The following FTO variants were observed in gnomAD, a reference collection of about 807,000 sequenced individuals.
FTO encodes the protein FTO alpha-ketoglutarate dependent dioxygenase.
Under a neutral mutation model 63.9 loss-of-function variants are expected in FTO, and 47 were observed. That is an observed-to-expected ratio of 0.74 (90% CI 0.58 to 0.94). The LOEUF is 0.94. Among genes scored for constraint, FTO ranks in the 40% least tolerant of loss-of-function variants. FTO has a pLI of 0.00. For missense variants in FTO, 562 were observed against 618.1 expected (o/e 0.91, Z 0.96); for synonymous variants, 207 against 224.4 (o/e 0.92, Z 0.69).
chr16:54,107,462 T>G (rs1025337753), intron 8 of FTO, among the ~76,000 whole-genome samples: 1 of 152,212 alleles, frequency 6.6e-6, no homozygotes, highest in Non-Finnish European at 1.5e-5. Flanking sequence ...AGCATTCTCT[T>G]GTTTTCTGGG....
At chr16:54,048,213 T>TAAAAAAA (rs1418052033) in intron 8 of FTO, among the ~76,000 whole-genome samples, 1 of 97,774 alleles carries the variant, frequency 1.0e-5, no homozygotes, top group African/African-American at 4.0e-5. Context: ...CTGTTTAATG[T>TAAAAAAA]AAAAAAAAAT....
In FTO at chr16:53,902,305, A is replaced by T. The variant is rs555626096; in HGVS notation, c.1239+13354A>T. 4.2e-4 allele frequency among the ~76,000 whole-genome samples: 64 copies of T among 152,260 alleles called. No individual in the cohort carries two copies. In the South Asian group the frequency reaches 6.2e-3, roughly 15 times the overall value. On this transcript the variant is annotated intron_variant, in intron 7 of 8. Transcript: ENST00000471389. Reference sequence around the variant, plus strand: ...AATGTTGGAAGGGACCTGAGAGGTGATCATCTTCTCTTCCTTTTTGGAAAG... The same window carrying T: ...AATGTTGGAAGGGACCTGAGAGGTGTTCATCTTCTCTTCCTTTTTGGAAAG...
At chr16:53,768,470 G>C (rs2077261086) in intron 1 of FTO, among the ~76,000 whole-genome samples, 1 of 152,168 alleles carries the variant, frequency 6.6e-6, no homozygotes, top group African/African-American at 2.4e-5. Context: ...TGGGGTTGTG[G>C]CTTTTTTTGA....
Position 54,097,588 on chromosome 16 carries a change from A to T in FTO, c.1365-14174A>T, listed in dbSNP as rs2086546325. 2.0e-5 allele frequency among the ~76,000 whole-genome samples: 3 copies of T among 152,196 alleles called. No individual in the cohort carries two copies. The South Asian group carries it at 6.2e-4, about 32-fold the overall frequency. On this transcript the variant is annotated intron_variant, in intron 8 of 8. Transcript: ENST00000471389. ...TCCCTGTTAAGGAGATACAATTCAG[A>T]TGCAAGATGCTTTCAATCCCTTGTG... is the stretch of plus-strand genomic sequence containing the variant.
intron 8 of FTO, among the ~76,000 whole-genome samples, chr16:53,939,834 T>C (rs555677901): frequency 8.1e-4 from 123 of 152,362 alleles, no homozygotes; most frequent in Non-Finnish European, 1.6e-3. Flanking sequence ...ACTATATCGA[T>C]GTGCCACATT....
chr16:53,788,745 A>G (rs116474235), intron 1 of FTO, among the ~76,000 whole-genome samples: 1 of 151,984 alleles, frequency 6.6e-6, no homozygotes, highest in South Asian at 2.1e-4. Flanking sequence ...TCATAGGGGT[A>G]GTTACCTCAG....
At chr16:53,842,180 A>T (rs1791617908) in intron 3 of FTO, among the ~76,000 whole-genome samples, 1 of 152,194 alleles carries the variant, frequency 6.6e-6, no homozygotes, top group African/African-American at 2.4e-5. Flanking sequence ...ATTGTGGATG[A>T]AATAGAAAAA....
At chr16:54,035,544 C>G (rs2084925684) in intron 8 of FTO, among the ~76,000 whole-genome samples, 1 of 152,150 alleles carries the variant, frequency 6.6e-6, no homozygotes, top group Non-Finnish European at 1.5e-5. Context: ...AATCCCCATG[C>G]TTGGAGGAAC....
chr16:53,882,048 A>G (rs1479013766), intron 6 of FTO, among the ~76,000 whole-genome samples: 2 of 151,944 alleles, frequency 1.3e-5, no homozygotes, highest in Non-Finnish European at 2.9e-5. Flanking sequence ...TGTGAATTTT[A>G]TGGCTGATAA....
Position 53,918,406 on chromosome 16 carries a change from C to A in FTO, c.1240-15579C>A, listed in dbSNP as rs189526630. Among the ~76,000 whole-genome samples the A allele has an allele frequency of 1.4e-3, 211 of 152,160 alleles. 1 individual carries two copies. Among genetic ancestry groups the A allele is most frequent in the Admixed American group, 4.5e-3 (69 of 15,292 alleles). The stretch of plus-strand genomic sequence containing the variant: ...TAAGTATTTGTGTATCTAGAGATAT[C>A]GAAACATAGAAAAGGCAGAGTAAAA... On this transcript the variant is annotated intron_variant, in intron 7 of 8. Transcript: ENST00000471389.
In FTO at chr16:54,111,971, G is replaced by A. The variant is rs571869687; in HGVS notation, c.*56G>A. 64 of 1,597,464 alleles carry A rather than the reference G, an allele frequency of 4.0e-5. No homozygotes were observed. Among genetic ancestry groups the A allele is most frequent in the East Asian group, 2.0e-4 (9 of 44,798 alleles). On this transcript the variant is annotated 3_prime_UTR_variant, in exon 9 of 9. Coordinates refer to ENST00000471389, the MANE Select transcript of FTO (RefSeq NM_001080432.3). The stretch of plus-strand genomic sequence containing the variant: ...AAGAGATCGGCTTTTCTCCTCCAAC[G>A]TTGTCATGGGCTTAAGCAAGAGCAG...
chr16:54,000,173 G>A (rs2084035211), intron 8 of FTO, among the ~76,000 whole-genome samples: 1 of 151,964 alleles, frequency 6.6e-6, no homozygotes, highest in African/African-American at 2.4e-5. Flanking sequence ...TCTCCTGTTT[G>A]GTTGCAAACT....
chr16:53,704,861 G>A (rs1020628757), intron 1 of FTO, among the ~76,000 whole-genome samples: 4 of 152,198 alleles, frequency 2.6e-5, no homozygotes, highest in Non-Finnish European at 4.4e-5. Context: ...CATTGTCACA[G>A]CAGATTGCAA....
At chr16:53,725,162 C>G (rs2076126309) in intron 1 of FTO, among the ~76,000 whole-genome samples, 1 of 152,106 alleles carries the variant, frequency 6.6e-6, no homozygotes, top group Non-Finnish European at 1.5e-5. Flanking sequence ...GGAGAACTTT[C>G]TTTTATCTTT....
intron 8 of FTO, among the ~76,000 whole-genome samples, chr16:54,067,002 A>G (rs2075204): frequency 0.28 from 43,341 of 152,106 alleles, 6,424 homozygotes; most frequent in Admixed American, 0.35. Flanking sequence ...CATTAATGTT[A>G]TTGCTCTGTC....
At chr16:53,995,599 G>A (rs1217000328) in intron 8 of FTO, among the ~76,000 whole-genome samples, 7 of 152,320 alleles carry the variant, frequency 4.6e-5, no homozygotes, top group Middle Eastern at 3.4e-3. Flanking sequence ...TATCTGTGGC[G>A]TGAACTTTAC....
chr16:54,015,243 T>C (rs1460755413), intron 8 of FTO, among the ~76,000 whole-genome samples: 1 of 152,170 alleles, frequency 6.6e-6, no homozygotes, highest in Non-Finnish European at 1.5e-5. Flanking sequence ...GCTATTTATG[T>C]ATTACAAAAA....
intron 8 of FTO, among the ~76,000 whole-genome samples, chr16:53,941,040 A>G (rs1233015390): frequency 6.6e-6 from 1 of 152,236 alleles, no homozygotes; most frequent in East Asian, 1.9e-4. Flanking sequence ...GGGCTCAACA[A>G]GTATAACACT....
chr16:53,840,342 A>G (rs2079439323), intron 3 of FTO, among the ~76,000 whole-genome samples: 2 of 152,184 alleles, frequency 1.3e-5, no homozygotes, highest in South Asian at 4.1e-4. Context: ...ATATCAATTA[A>G]TTTAGCATTA....
Sources: gnomAD v4.1 joint callset for allele counts (sites outside exome capture counted in the v4.1 genomes callset) on GRCh38, gnomAD v4.1.1 for gene constraint, MANE v1.5 for transcripts, NCBI Gene and HGNC (gene_info 2026-07-23, HGNC 2026-07-21) for gene names.